DNM2: variants seen among roughly 807,000 people sequenced by gnomAD.
DNM2 encodes dynamin 2, also known as dynamin-2.
In DNM2, 15 loss-of-function variants were observed where a neutral mutation model predicts 99.0. The ratio of observed to expected loss-of-function variants is 0.15; its 90% CI spans 0.10 to 0.23. The LOEUF (loss-of-function observed/expected upper bound fraction) is 0.23. Among genes scored for constraint, DNM2 ranks in the 10% least tolerant of loss-of-function variants. The probability of loss-of-function intolerance (pLI) is 1.00; values close to 1 mark genes in which losing one functional copy is unlikely to be tolerated. For missense variants in DNM2, 742 were observed against 1,189.4 expected (o/e 0.62, Z 5.53); for synonymous variants, 525 against 481.2 (o/e 1.09, Z -1.19).
intron 1 of DNM2, among the ~76,000 whole-genome samples, chr19:10,747,121 C>A (rs376130078): frequency 6.6e-6 from 1 of 151,458 alleles, no homozygotes; most frequent in African/African-American, 2.4e-5. Context: ...CAAGAGATTG[C>A]GTGCCAAGGT....
At chr19:10,750,820 C>T (rs1193386110) in intron 1 of DNM2, among the ~76,000 whole-genome samples, 1 of 151,792 alleles carries the variant, frequency 6.6e-6, no homozygotes, top group African/African-American at 2.4e-5. Flanking sequence ...GTAATCCCAG[C>T]TACTTGGGGG....
intron 16 of DNM2, among the ~76,000 whole-genome samples, chr19:10,822,169 TTTTTTC>T (rs1438651520): frequency 5.5e-4 from 84 of 152,046 alleles, no homozygotes; most frequent in African/African-American, 8.9e-4. Context: ...ACCCTGGTTC[TTTTTTC>T]TTTTTCTTTT....
chr19:10,741,180 T>A (rs1300552725), intron 1 of DNM2, among the ~76,000 whole-genome samples: 1 of 152,216 alleles, frequency 6.6e-6, no homozygotes, highest in Non-Finnish European at 1.5e-5. Context: ...AATGCTGATA[T>A]CCATCCATGA....
chr19:10,759,093 C>T (rs993196271), intron 1 of DNM2, among the ~76,000 whole-genome samples: 2 of 152,198 alleles, frequency 1.3e-5, no homozygotes, highest in African/African-American at 4.8e-5. Context: ...AGGCGTGGGC[C>T]ACCACGCCCA....
chr19:10,746,213 G>A (rs1166104635), intron 1 of DNM2, among the ~76,000 whole-genome samples: 1 of 152,082 alleles, frequency 6.6e-6, no homozygotes, highest in Non-Finnish European at 1.5e-5. Context: ...CACCCACCTC[G>A]GCCTTCCAAA....
Position 10,798,611 on chromosome 19 carries a change from A to G in DNM2, c.1422+39A>G, listed in dbSNP as rs752844054. On this transcript the variant is annotated intron_variant, in intron 11 of 20. Coordinates refer to ENST00000389253, the MANE Select transcript of DNM2 (RefSeq NM_001005361.3). ...GTCTTCTTTATTGGGTATAATTTAC[A>G]TGCAGTAAATGTCAAGTGTACTGTT... 8.7e-6 allele frequency: 14 copies of G among 1,600,872 alleles called. 1 individual carries two copies. In the South Asian group the frequency reaches 1.1e-4, roughly 13 times the overall value.
chr19:10,800,300 G>T (rs1309291152), intron 11 of DNM2, among the ~76,000 whole-genome samples: 1 of 151,286 alleles, frequency 6.6e-6, no homozygotes, highest in African/African-American at 2.4e-5. Context: ...GGGATGAAAT[G>T]GGCTCATTTG....
intron 2 of DNM2, among the ~76,000 whole-genome samples, chr19:10,760,975 T>C (rs1451142006): frequency 6.6e-6 from 1 of 151,702 alleles, no homozygotes; most frequent in South Asian, 2.1e-4. Context: ...CCATTGCTTT[T>C]TATTTTTTAT....
chr19:10,754,409 C>T (rs1016304334), intron 1 of DNM2, among the ~76,000 whole-genome samples: 5 of 151,702 alleles, frequency 3.3e-5, no homozygotes, highest in Admixed American at 1.3e-4. Context: ...CCCTCCACCT[C>T]GCCTGGCTAA....
intron 1 of DNM2, among the ~76,000 whole-genome samples, chr19:10,723,070 A>T (rs2068991429): frequency 6.9e-6 from 1 of 145,782 alleles, no homozygotes; most frequent in South Asian, 2.1e-4. Flanking sequence ...AGTTCAAGTG[A>T]TTCTCCTGTC....
chr19:10,734,342 C>CAAAA (rs752387265), intron 1 of DNM2, among the ~76,000 whole-genome samples: 1 of 92,374 alleles, frequency 1.1e-5, no homozygotes, highest in African/African-American at 4.0e-5. Context: ...GACTCTGTCT[C>CAAAA]AAAAAAAAAA....
chr19:10,728,003 G>A (rs931130414), intron 1 of DNM2, among the ~76,000 whole-genome samples: 3 of 152,164 alleles, frequency 2.0e-5, no homozygotes, highest in Non-Finnish European at 4.4e-5. Context: ...GTGGCCCTGC[G>A]TCTGAAGCAG....
In DNM2 at chr19:10,811,708, G is replaced by A. The variant is rs1485039586; in HGVS notation, c.1558-556G>A. ...AGGCCTGGGTTCTGACCCCCACGCAGATGACAGCTACAGCCACACAATCCC... is the reference window on the plus strand; with the variant it reads ...AGGCCTGGGTTCTGACCCCCACGCAAATGACAGCTACAGCCACACAATCCC... On this transcript the variant is annotated intron_variant, in intron 14 of 20. Coordinates refer to ENST00000389253, the MANE Select transcript of DNM2 (RefSeq NM_001005361.3). The surrounding 1 kb of genome is among the most constrained non-coding windows in gnomAD (Gnocchi z 5.4). The A allele has an allele frequency of 1.9e-6, 1 of 518,310 alleles. No individual in the cohort carries two copies. Among genetic ancestry groups the A allele is most frequent in the Non-Finnish European group, 3.9e-6 (1 of 259,660 alleles). The allele number at this position is 518,310 out of a possible 1,614,324, so 32.1% of individuals were successfully genotyped here. A position where few individuals can be genotyped will look rare whatever the true frequency, so the allele number is the denominator to read the frequency against.
At position 10,718,227 on chromosome 19, in the gene DNM2, G is replaced by A. The variant is rs1452929433; in HGVS notation, c.-16G>A. On this transcript the variant is annotated 5_prime_UTR_variant, in exon 1 of 21. Coordinates refer to ENST00000389253, the MANE Select transcript of DNM2 (RefSeq NM_001005361.3). ...GCGAGGAGCGCAGGGCGCTCGGGCC[G>A]GGGGCCGCCGGCGCCATGGGCAACC... The A allele has an allele frequency of 6.8e-7, 1 of 1,461,428 alleles. No homozygotes were observed. The highest frequency in any genetic ancestry group is 9.1e-7 in the Non-Finnish European group (1 of 1,103,892). The allele number at this position is 1,461,428 out of a possible 1,614,324, so 90.5% of individuals were successfully genotyped here. A position where few individuals can be genotyped will look rare whatever the true frequency, so the allele number is the denominator to read the frequency against.
chr19:10,831,214 C>T lies in DNM2; in HGVS notation c.*167C>T. 1 of 1,393,416 alleles carries T rather than the reference C, an allele frequency of 7.2e-7. No homozygotes were observed. The highest frequency in any genetic ancestry group is 9.3e-7 in the Non-Finnish European group (1 of 1,078,074). 86.3% of individuals were successfully genotyped at this position (1,393,416 alleles called of 1,614,324 possible). On this transcript the variant is annotated 3_prime_UTR_variant, in exon 21 of 21. Transcript: ENST00000389253. The surrounding 1 kb of genome is among the most constrained non-coding windows in gnomAD (Gnocchi z 4.3). Reference sequence around the variant, plus strand: ...GTCCAGGGCCGGCCCCTGTGCCTGGCTGGACACCGCACTGCGCAAAGGGGC... The same window carrying T: ...GTCCAGGGCCGGCCCCTGTGCCTGGTTGGACACCGCACTGCGCAAAGGGGC...
chr19:10,738,204 G>A lies in DNM2; in HGVS notation c.161+19801G>A, dbSNP rs547894634. Among the ~76,000 whole-genome samples the A allele has an allele frequency of 1.3e-4, 20 of 152,166 alleles. No homozygotes were observed. The South Asian group carries it at 3.7e-3, about 28-fold the overall frequency. On this transcript the variant is annotated intron_variant, in intron 1 of 20. Coordinates refer to ENST00000389253, the MANE Select transcript of DNM2 (RefSeq NM_001005361.3). ...GGCTGGGAGGTGGAGGTTGCAGTGA[G>A]CCAAGATCACGCCGCTGTACTCCAG...
At chr19:10,736,798 C>G (rs917623676) in intron 1 of DNM2, among the ~76,000 whole-genome samples, 1 of 152,130 alleles carries the variant, frequency 6.6e-6, no homozygotes, top group Non-Finnish European at 1.5e-5. Flanking sequence ...GCACCTTTAA[C>G]CTTGTCCTCA....
Position 10,829,136 on chromosome 19 carries a change from A to G in DNM2, c.2159A>G (p.Asp720Gly), listed in dbSNP as rs1599639067. ...TCGGCTGACCAGGCACAGCGGCGGG[A>G]CGACATGCTGCGCATGTACCATGCC... is the stretch of plus-strand genomic sequence containing the variant. ...EESADQAQRR[D>G]DMLRMYHALK... The change falls in exon 19 of 21, where the codon GAC (aspartate) becomes GGC (glycine). Residue 720 changes from aspartate (D) to glycine (G), a missense_variant. Around this residue, in one of 7 missense-constraint regions of DNM2, gnomAD observed 240 missense variants for 431.3 expected, o/e 0.56. Transcript: ENST00000389253. 6.2e-7 allele frequency: 1 copy of G among 1,613,690 alleles called. No homozygotes were observed. Among genetic ancestry groups the G allele is most frequent in the African/African-American group, 1.3e-5 (1 of 74,930 alleles).
At chr19:10,784,457 T>C (rs2071485320) in intron 6 of DNM2, among the ~76,000 whole-genome samples, 2 of 152,292 alleles carry the variant, frequency 1.3e-5, no homozygotes, top group South Asian at 4.1e-4. Context: ...ACTCCGCAGC[T>C]GGCTGGGGCC....
Sources: gnomAD v4.1 joint callset for allele counts (sites outside exome capture counted in the v4.1 genomes callset) on GRCh38, gnomAD v4.1.1 for gene constraint, gnomAD v4.1.1 regional missense constraint, Gnocchi (gnomAD v3.1) non-coding constraint, MANE v1.5 for transcripts, NCBI Gene and HGNC (gene_info 2026-07-23, HGNC 2026-07-21) for gene names.